FBXW8: variants seen among roughly 807,000 people sequenced by gnomAD.
FBXW8 encodes F-box and WD repeat domain containing 8.
FBXW8 carries 57 observed loss-of-function variants against 65.3 expected under a neutral mutation model. That is an observed-to-expected ratio of 0.87 (90% confidence interval 0.71 to 1.09). The LOEUF (loss-of-function observed/expected upper bound fraction) is 1.09. Ranked by LOEUF, FBXW8 falls within the 50% of genes least tolerant of loss-of-function variation. The pLI, the probability that FBXW8 is intolerant of heterozygous loss-of-function variation, is 0.00. For synonymous variants in FBXW8, 308 were observed against 330.2 expected, an observed-to-expected ratio of 0.93 and a Z score of 0.73; for missense variants, 777 against 814.8, an observed-to-expected ratio of 0.95 and a Z score of 0.57.
chr12:117,026,826 G>A (rs562077708), intron 9 of FBXW8, among the ~76,000 whole-genome samples: 42 of 152,306 alleles, frequency 2.8e-4, no homozygotes, highest in South Asian at 2.7e-3. Flanking sequence ...GACCACAGCC[G>A]GTACTGCATG....
chr12:116,984,529 A>T (rs745948318), intron 5 of FBXW8, among the ~76,000 whole-genome samples: 3 of 152,214 alleles, frequency 2.0e-5, no homozygotes, highest in Admixed American at 6.5e-5. Context: ...GCGCTGAGGA[A>T]GGATGTGAAA....
chr12:116,989,395 A>C (rs1262266769), intron 7 of FBXW8, among the ~76,000 whole-genome samples: 1 of 152,224 alleles, frequency 6.6e-6, no homozygotes, highest in Non-Finnish European at 1.5e-5. Flanking sequence ...TGCAGCTTGC[A>C]GAAGTCCTTT....
At chr12:116,920,624 A>G (rs2137294299) in intron 1 of FBXW8, among the ~76,000 whole-genome samples, 2 of 152,294 alleles carry the variant, frequency 1.3e-5, no homozygotes, top group Middle Eastern at 6.8e-3. Context: ...GAGAACCTAA[A>G]GGAGGTGAGG....
intron 8 of FBXW8, among the ~76,000 whole-genome samples, chr12:117,017,710 T>C (rs1953986406): frequency 6.6e-6 from 1 of 152,174 alleles, no homozygotes. Context: ...CCTTATTGCT[T>C]GTTCTCTTTG....
At position 116,929,562 on chromosome 12, in the gene FBXW8, T is replaced by C. The variant is rs1255043984; in HGVS notation, c.423+1435T>C. The stretch of plus-strand genomic sequence containing the variant: ...ATTTTTCTTTTTTTAAAAATTTCAT[T>C]TTATTTTTTTAAATGGACAAATAAA... On this transcript the variant is annotated intron_variant, in intron 2 of 10. Coordinates refer to ENST00000652555, the MANE Select transcript of FBXW8 (RefSeq NM_153348.3). Among the ~76,000 whole-genome samples, 8 of 152,316 alleles carry C rather than the reference T, an allele frequency of 5.3e-5. No homozygotes were observed. The East Asian group carries it at 1.5e-3, about 29-fold the overall frequency.
At chr12:116,957,470 G>A (rs577028968) in intron 4 of FBXW8, among the ~76,000 whole-genome samples, 6 of 152,334 alleles carry the variant, frequency 3.9e-5, no homozygotes, top group African/African-American at 1.4e-4. Flanking sequence ...TTCGGGAACT[G>A]AAGCCCTCAA....
intron 5 of FBXW8, chr12:116,979,088 C>G (rs1885133920): frequency 6.6e-6 from 1 of 152,168 alleles, no homozygotes; most frequent in Non-Finnish European, 1.5e-5. Flanking sequence ...GTCCTTGTTC[C>G]CATGACGAAG....
chr12:117,006,860 TA>T (rs768008339), intron 7 of FBXW8, among the ~76,000 whole-genome samples: 6 of 152,240 alleles, frequency 3.9e-5, no homozygotes, highest in Non-Finnish European at 8.8e-5. Flanking sequence ...ATCTAAAAAT[TA>T]TAAACAATCC....
intron 8 of FBXW8, among the ~76,000 whole-genome samples, chr12:117,022,546 TC>T (rs1432535367): frequency 2.0e-5 from 3 of 152,230 alleles, no homozygotes; most frequent in African/African-American, 7.2e-5. Context: ...TCCCAGCTAT[TC>T]GGGACGCTGA....
intron 1 of FBXW8, among the ~76,000 whole-genome samples, chr12:116,917,941 G>A (rs1392103053): frequency 2.1e-5 from 3 of 146,142 alleles, no homozygotes; most frequent in Admixed American, 1.4e-4. Flanking sequence ...GCAGTGAGCC[G>A]AGATTGCGCC....
chr12:116,998,304 T>TG (rs561547670), intron 7 of FBXW8, among the ~76,000 whole-genome samples: 85 of 152,358 alleles, frequency 5.6e-4, no homozygotes, highest in African/African-American at 2.0e-3. Context: ...TATTCACACT[T>TG]GCCTAGTTCC....
intron 7 of FBXW8, among the ~76,000 whole-genome samples, chr12:117,008,557 T>C (rs1228912595): frequency 6.6e-6 from 1 of 152,230 alleles, no homozygotes; most frequent in Non-Finnish European, 1.5e-5. Context: ...CTGTTAGCAA[T>C]AGTTAATATT....
intron 8 of FBXW8, among the ~76,000 whole-genome samples, chr12:117,021,836 G>C (rs1005039697): frequency 5.9e-5 from 9 of 152,104 alleles, no homozygotes; most frequent in Admixed American, 2.0e-4. Context: ...GTGCCTCACT[G>C]TTTCTAAAGA....
At chr12:116,946,432 C>A (rs146249417) in intron 3 of FBXW8, among the ~76,000 whole-genome samples, 14 of 152,264 alleles carry the variant, frequency 9.2e-5, no homozygotes, top group Non-Finnish European at 1.9e-4. Flanking sequence ...ACATTTGGGG[C>A]CAGCTAATTC....
intron 4 of FBXW8, among the ~76,000 whole-genome samples, chr12:116,960,463 A>C (rs946133505): frequency 1.3e-5 from 2 of 152,252 alleles, no homozygotes; most frequent in African/African-American, 4.8e-5. Flanking sequence ...TTATGTTATT[A>C]TCATACCTTT....
intron 4 of FBXW8, among the ~76,000 whole-genome samples, chr12:116,954,420 A>G (rs1352799349): frequency 2.6e-5 from 4 of 152,040 alleles, no homozygotes; most frequent in African/African-American, 7.3e-5. Flanking sequence ...TTATACCCCA[A>G]TTTCCCTATT....
chr12:116,925,014 T>A (rs1245231516), intron 1 of FBXW8, among the ~76,000 whole-genome samples: 1 of 152,054 alleles, frequency 6.6e-6, no homozygotes, highest in Non-Finnish European at 1.5e-5. Flanking sequence ...GGAGGTGTGC[T>A]TAAGAAACCT....
At chr12:116,982,000 C>T (rs1236759851) in intron 5 of FBXW8, among the ~76,000 whole-genome samples, 1 of 152,034 alleles carries the variant, frequency 6.6e-6, no homozygotes, top group Non-Finnish European at 1.5e-5. Flanking sequence ...CAAAAGCAAC[C>T]TCTAAAATAA....
rs759275514 is a variant in FBXW8 at position 116,988,776 on chromosome 12, C to A, written c.1146C>A (p.Tyr382Ter). ...AAGACTCCGCCAGAACCCTCCTTTA[C>A]GCCCACGGCCCGCCTGTCACATGTC... ...KAEDSARTLL[Y>*]AHGPPVTCLD... The change falls in exon 7 of 11, where the codon TAC (tyrosine) becomes TAA (stop). Residue 382 changes from tyrosine to a stop codon, truncating the protein, a stop_gained. Coordinates refer to ENST00000652555, the MANE Select transcript of FBXW8 (RefSeq NM_153348.3). LOFTEE classifies it high-confidence loss of function. 1.2e-6 allele frequency: 2 copies of A among 1,614,168 alleles called. No individual in the cohort carries two copies. The highest frequency in any genetic ancestry group is 2.2e-5 in the East Asian group (1 of 44,886).
Sources: gnomAD v4.1 joint callset for allele counts (sites outside exome capture counted in the v4.1 genomes callset) on GRCh38, gnomAD v4.1.1 for gene constraint, MANE v1.5 for transcripts, NCBI Gene and HGNC (gene_info 2026-07-23, HGNC 2026-07-21) for gene names.